Variants in SAP25 observed in about 807,000 individuals in gnomAD.
SAP25 encodes the protein histone deacetylase complex subunit SAP25.
Under a neutral mutation model 31.5 loss-of-function variants are expected in SAP25, and 24 were observed. The observed-to-expected ratio is 0.76, with a 90% CI of 0.55 to 1.07. SAP25 has a LOEUF of 1.07. Ranked by LOEUF, SAP25 falls within the 50% of genes least tolerant of loss-of-function variation. The probability of loss-of-function intolerance (pLI) is 0.00; values close to 1 mark genes in which losing one functional copy is unlikely to be tolerated. For missense variants in SAP25, 377 were observed against 418.8 expected (o/e 0.90, Z 0.87); for synonymous variants, 180 against 186.0 (o/e 0.97, Z 0.26).
At position 100,572,821 on chromosome 7, in the gene SAP25, T is replaced by TG. The variant is rs1360155106; in HGVS notation, c.511+38dup. The TG allele has an allele frequency of 1.3e-6, 2 of 1,492,968 alleles. No homozygotes were observed. The highest frequency in any genetic ancestry group is 4.8e-5 in the Admixed American group (2 of 41,442). 92.5% of individuals were successfully genotyped at this position (1,492,968 alleles called of 1,614,324 possible). On this transcript the variant is annotated intron_variant, in intron 4 of 5. Transcript: ENST00000622764. This position sits in a 1 kb window ranked among gnomAD's most constrained non-coding sequence, Gnocchi z 4.1. ...CCTGGGCACTGGTTCCCAGAGGAGT[T>TG]GGGGCAGCCTTGCGCCCCCGGGGGA...
chr7:100,573,811 T>G lies in SAP25; in HGVS notation c.-69A>C, dbSNP rs1343811134. The G allele has an allele frequency of 2.6e-6, 3 of 1,146,790 alleles. No individual in the cohort carries two copies. The African/African-American group carries it at 4.9e-5, about 19-fold the overall frequency. The allele number at this position is 1,146,790 out of a possible 1,614,324, so 71.0% of individuals were successfully genotyped here. Reference sequence around the variant, plus strand: ...CCCGGCCCGGCCCTCTCAGCCTCCCTCCGCGGCGCGGCGCGAACGTGCCCT... The same window carrying G: ...CCCGGCCCGGCCCTCTCAGCCTCCCGCCGCGGCGCGGCGCGAACGTGCCCT... On this transcript the variant is annotated 5_prime_UTR_variant, in exon 1 of 6. Coordinates refer to ENST00000622764, the MANE Select transcript of SAP25 (RefSeq NM_001348680.2).
rs1801154427 is a variant in SAP25, at chr7:100,572,293, A to T, written c.888T>A (p.Cys296Ter). 7.6e-7 allele frequency: 1 copy of T among 1,317,230 alleles called. No individual in the cohort carries two copies. Among genetic ancestry groups the T allele is most frequent in the African/African-American group, 1.5e-5 (1 of 65,894 alleles). The allele number at this position is 1,317,230 out of a possible 1,614,324, so 81.6% of individuals were successfully genotyped here. A position where few individuals can be genotyped will look rare whatever the true frequency, so the allele number is the denominator to read the frequency against. ...CCACTCTGCCCTGAGAAGGCTATGG[A>T]CAATGGGTGTCTGGGGTCTGTGGGA... ...LSLPQTPDTH[C>*]P The change falls in exon 6 of 6, where the codon TGT (cysteine) becomes TGA (stop). Residue 296 changes from cysteine to a stop codon, truncating the protein, a stop_gained. Coordinates refer to ENST00000622764, the MANE Select transcript of SAP25 (RefSeq NM_001348680.2). LOFTEE classifies it high-confidence loss of function. The surrounding 1 kb of genome is among the most constrained non-coding windows in gnomAD (Gnocchi z 4.1).
rs1408241024 is a variant in SAP25, at chr7:100,572,712, T to A, written c.551A>T (p.Asp184Val). 12 of 1,533,842 alleles carry A rather than the reference T, an allele frequency of 7.8e-6. No homozygotes were observed. The highest frequency in any genetic ancestry group is 1.7e-4 in the Middle Eastern group (1 of 5,980). ...VVCCEDVFLS[D>V]PLLPRGQRVP... is the part of the protein sequence containing the mutation. ...ACGCTGCCCCCGGGGCAGCAGAGGGTCCGAGAGGAAGACATCTTCACAGCA... is the reference window on the plus strand; with the variant it reads ...ACGCTGCCCCCGGGGCAGCAGAGGGACCGAGAGGAAGACATCTTCACAGCA... Residue 184 changes from aspartate (D) to valine (V), a missense_variant, in exon 5 of 6, where the codon GAC becomes GTC. Physicochemically the swap from Asp to Val is radical, Grantham distance 152. Coordinates refer to ENST00000622764, the MANE Select transcript of SAP25 (RefSeq NM_001348680.2). This position sits in a 1 kb window ranked among gnomAD's most constrained non-coding sequence, Gnocchi z 4.1.
intron 2 of SAP25, 29 bp from the exon 3 acceptor site, chr7:100,573,241 G>A: frequency 6.9e-7 from 1 of 1,441,786 alleles, no homozygotes; most frequent in Non-Finnish European, 9.3e-7. Flanking sequence ...ATTATAACAG[G>A]CTCACAGTCA....
At position 100,572,251 on chromosome 7, in the gene SAP25, T is replaced by C. The variant is rs760777985; in HGVS notation, c.*36A>G. 1.3e-5 allele frequency: 16 copies of C among 1,262,232 alleles called. No individual in the cohort carries two copies. Among genetic ancestry groups the C allele is most frequent in the African/African-American group, 1.1e-4 (7 of 64,852 alleles). The allele number at this position is 1,262,232 out of a possible 1,614,324, so 78.2% of individuals were successfully genotyped here. On this transcript the variant is annotated 3_prime_UTR_variant, in exon 6 of 6. Coordinates refer to ENST00000622764, the MANE Select transcript of SAP25 (RefSeq NM_001348680.2). This position sits in a 1 kb window ranked among gnomAD's most constrained non-coding sequence, Gnocchi z 4.1. ...TGTTTTGCAAACCAACACTGTTTTA[T>C]TGTCAACACAACCAGCCCACTCTGC...
chr7:100,572,323 G>C lies in SAP25; in HGVS notation c.858C>G (p.Leu286=), dbSNP rs1265219968. ...GSPSSSQGAD[L]SLPQTPDTHC... is the part of the protein sequence containing the mutation. Reference sequence around the variant, plus strand: ...GGGTGTCTGGGGTCTGTGGGAGAGAGAGGTCAGCACCCTGAGAACTGCTGG... The same window carrying C: ...GGGTGTCTGGGGTCTGTGGGAGAGACAGGTCAGCACCCTGAGAACTGCTGG... The change falls in exon 6 of 6, where the codon CTC becomes CTG. Residue 286 remains leucine, a synonymous_variant. Coordinates refer to ENST00000622764, the MANE Select transcript of SAP25 (RefSeq NM_001348680.2). The surrounding 1 kb of genome is among the most constrained non-coding windows in gnomAD (Gnocchi z 4.1). 3.7e-6 allele frequency: 5 copies of C among 1,339,736 alleles called. No individual in the cohort carries two copies. In the African/African-American group the frequency reaches 7.5e-5, roughly 20 times the overall value. 83.0% of individuals were successfully genotyped at this position (1,339,736 alleles called of 1,614,324 possible).
intron 1 of SAP25, 43 bp from the exon 2 acceptor site, chr7:100,573,443 G>T: frequency 8.0e-7 from 1 of 1,246,468 alleles, no homozygotes; most frequent in Non-Finnish European, 1.0e-6. Flanking sequence ...CCGCCCCCAC[G>T]CACCCTCCCC....
Position 100,572,279 on chromosome 7 carries a change from T to C in SAP25, c.*8A>G. 1 of 1,283,946 alleles carries C rather than the reference T, an allele frequency of 7.8e-7. No individual in the cohort carries two copies. The highest frequency in any genetic ancestry group is 9.8e-7 in the Non-Finnish European group (1 of 1,016,260). The allele number at this position is 1,283,946 out of a possible 1,614,324, so 79.5% of individuals were successfully genotyped here. A position where few individuals can be genotyped will look rare whatever the true frequency, so the allele number is the denominator to read the frequency against. On this transcript the variant is annotated 3_prime_UTR_variant, in exon 6 of 6. Coordinates refer to ENST00000622764, the MANE Select transcript of SAP25 (RefSeq NM_001348680.2). The surrounding 1 kb of genome is among the most constrained non-coding windows in gnomAD (Gnocchi z 4.1). ...TCAACACAACCAGCCCACTCTGCCC[T>C]GAGAAGGCTATGGACAATGGGTGTC...
Position 100,572,697 on chromosome 7 carries a change from C to A in SAP25, c.566G>T (p.Arg189Leu). ...CAGGTACAGGGGAACACGCTGCCCCCGGGGCAGCAGAGGGTCCGAGAGGAA... is the reference window on the plus strand; with the variant it reads ...CAGGTACAGGGGAACACGCTGCCCCAGGGGCAGCAGAGGGTCCGAGAGGAA... The part of the protein sequence containing the change: ...DVFLSDPLLP[R>L]GQRVPLYLSK... Residue 189 changes from arginine to leucine, a missense_variant, in exon 5 of 6, where the codon CGG (arginine) becomes CTG (leucine). Physicochemically the swap from Arg to Leu is moderately radical, Grantham distance 102. Coordinates refer to ENST00000622764, the MANE Select transcript of SAP25 (RefSeq NM_001348680.2). The surrounding 1 kb of genome is among the most constrained non-coding windows in gnomAD (Gnocchi z 4.1). 6.5e-7 allele frequency: 1 copy of A among 1,535,598 alleles called. No individual in the cohort carries two copies. Among genetic ancestry groups the A allele is most frequent in the Non-Finnish European group, 8.7e-7 (1 of 1,146,218 alleles).
In SAP25 at chr7:100,572,702, C is replaced by G; in HGVS notation, c.561G>C (p.Leu187=). ...ACAGGGGAACACGCTGCCCCCGGGG[C>G]AGCAGAGGGTCCGAGAGGAAGACAT... ...CEDVFLSDPL[L]PRGQRVPLYL... The change falls in exon 5 of 6, where the codon CTG becomes CTC. Residue 187 remains leucine, a synonymous_variant. Coordinates refer to ENST00000622764, the MANE Select transcript of SAP25 (RefSeq NM_001348680.2). The surrounding 1 kb of genome is among the most constrained non-coding windows in gnomAD (Gnocchi z 4.1). 1 of 1,535,738 alleles carries G rather than the reference C, an allele frequency of 6.5e-7. No homozygotes were observed. Among genetic ancestry groups the G allele is most frequent in the South Asian group, 1.2e-5 (1 of 84,022 alleles).
chr7:100,572,951 C>T lies in SAP25; in HGVS notation c.420G>A (p.Trp140Ter). Reference sequence around the variant, plus strand: ...TGCCCGAGGCTGCTTCATACAGCGGCCAGAATGAGGGGTGACACAGCGTCC... The same window carrying T: ...TGCCCGAGGCTGCTTCATACAGCGGTCAGAATGAGGGGTGACACAGCGTCC... ...SGRTLCHPSFWPLYEAASGRG... is the reference protein window; with the variant it reads ...SGRTLCHPSF Residue 140 changes from tryptophan to a stop codon, truncating the protein, a stop_gained, in exon 4 of 6, where the codon TGG (tryptophan) becomes TGA (stop). Transcript: ENST00000622764. LOFTEE classifies it high-confidence loss of function. The surrounding 1 kb of genome is among the most constrained non-coding windows in gnomAD (Gnocchi z 4.1). 1 of 1,509,208 alleles carries T rather than the reference C, an allele frequency of 6.6e-7. No homozygotes were observed. The allele number at this position is 1,509,208 out of a possible 1,614,324, so 93.5% of individuals were successfully genotyped here. A position where few individuals can be genotyped will look rare whatever the true frequency, so the allele number is the denominator to read the frequency against.
rs1354641403 is a variant in SAP25 at position 100,573,155 on chromosome 7, G to A, written c.308C>T (p.Ala103Val). ...EVAPSRMTPL[A>V]PWDPKYEAKA... ...GGCTTCATACTTGGGGTCCCAGGGCGCTAGTGGAGTCATCCTCGAGGGGGC... is the reference window on the plus strand; with the variant it reads ...GGCTTCATACTTGGGGTCCCAGGGCACTAGTGGAGTCATCCTCGAGGGGGC... The change falls in exon 3 of 6, where the codon GCG becomes GTG. Residue 103 changes from alanine to valine, a missense_variant. Physicochemically the swap from Ala to Val is moderately conservative, Grantham distance 64. Coordinates refer to ENST00000622764, the MANE Select transcript of SAP25 (RefSeq NM_001348680.2). 12 of 1,535,622 alleles carry A rather than the reference G, an allele frequency of 7.8e-6. No individual in the cohort carries two copies. Among genetic ancestry groups the A allele is most frequent in the Admixed American group, 5.9e-5 (3 of 50,868 alleles).
At position 100,573,804 on chromosome 7, in the gene SAP25, G is replaced by A; in HGVS notation, c.-62C>T. The A allele has an allele frequency of 8.6e-7, 1 of 1,157,690 alleles. No individual in the cohort carries two copies. The highest frequency in any genetic ancestry group is 1.1e-6 in the Non-Finnish European group (1 of 939,516). The allele number at this position is 1,157,690 out of a possible 1,614,324, so 71.7% of individuals were successfully genotyped here. A position where few individuals can be genotyped will look rare whatever the true frequency, so the allele number is the denominator to read the frequency against. On this transcript the variant is annotated 5_prime_UTR_variant, in exon 1 of 6. Transcript: ENST00000622764. ...CCCGCCGCCCGGCCCGGCCCTCTCAGCCTCCCTCCGCGGCGCGGCGCGAAC... is the reference window on the plus strand; with the variant it reads ...CCCGCCGCCCGGCCCGGCCCTCTCAACCTCCCTCCGCGGCGCGGCGCGAAC...
Position 100,573,090 on chromosome 7 carries a change from T to G in SAP25, c.357+16A>C, listed in dbSNP as rs1421977607. 6.5e-7 allele frequency: 1 copy of G among 1,532,536 alleles called. No homozygotes were observed. The highest frequency in any genetic ancestry group is 8.7e-7 in the Non-Finnish European group (1 of 1,144,176). The allele number at this position is 1,532,536 out of a possible 1,614,324, so 94.9% of individuals were successfully genotyped here. A position where few individuals can be genotyped will look rare whatever the true frequency, so the allele number is the denominator to read the frequency against. On this transcript the variant is annotated intron_variant, in intron 3 of 5. Transcript: ENST00000622764. ...TGAGCACCCCAGCCAGTCCCACAGG[T>G]TTGCCCCCAACTCACCCACACCGGC...
At position 100,573,698 on chromosome 7, in the gene SAP25, C is replaced by G. The variant is rs1401896156; in HGVS notation, c.45G>C (p.Glu15Asp). Residue 15 changes from glutamate (E) to aspartate (D), a missense_variant, in exon 1 of 6, where the codon GAG (glutamate) becomes GAC (aspartate). Glu to Asp is a conservative substitution (Grantham distance 45, BLOSUM62 2). Transcript: ENST00000622764. The stretch of plus-strand genomic sequence containing the variant: ...CCGGAAGGCCTGGTCCCTCGGGCGC[C>G]TCCTCCGGGCCCGCGCCCCACCGCG... The part of the protein sequence containing the change: ...SPPRWGAGPE[E>D]APEGPGLPAG... 3.3e-6 allele frequency: 4 copies of G among 1,229,136 alleles called. No individual in the cohort carries two copies. The highest frequency in any genetic ancestry group is 4.1e-6 in the Non-Finnish European group (4 of 986,356). The allele number at this position is 1,229,136 out of a possible 1,614,324, so 76.1% of individuals were successfully genotyped here. A position where few individuals can be genotyped will look rare whatever the true frequency, so the allele number is the denominator to read the frequency against.
rs1434237612 is a variant in SAP25, at chr7:100,573,400, G to C, written c.147C>G (p.Ser49Arg). The C allele has an allele frequency of 6.7e-6, 9 of 1,338,048 alleles. No homozygotes were observed. Among genetic ancestry groups the C allele is most frequent in the South Asian group, 6.1e-5 (3 of 49,238 alleles). 82.9% of individuals were successfully genotyped at this position (1,338,048 alleles called of 1,614,324 possible). ...PRELGTPPWD[S>R]PQPPSRSPSW... ...AAGGGCTACGGGATGGGGGCTGTGG[G>C]CTGGAGGGGCAGGGACTGAGGCTGC... Residue 49 changes from serine to arginine, a missense_variant and splice_region_variant, in exon 2 of 6, where the codon AGC (serine) becomes AGG (arginine). Transcript: ENST00000622764.
chr7:100,573,184 C>A lies in SAP25; in HGVS notation c.279G>T (p.Glu93Asp). 1 of 1,530,366 alleles carries A rather than the reference C, an allele frequency of 6.5e-7. No individual in the cohort carries two copies. Among genetic ancestry groups the A allele is most frequent in the Non-Finnish European group, 8.7e-7 (1 of 1,143,254 alleles). The allele number at this position is 1,530,366 out of a possible 1,614,324, so 94.8% of individuals were successfully genotyped here. A position where few individuals can be genotyped will look rare whatever the true frequency, so the allele number is the denominator to read the frequency against. ...GTGGAGTCATCCTCGAGGGGGCCACCTCCCAGGCCACCTGGGGGGAACGGG... is the reference window on the plus strand; with the variant it reads ...GTGGAGTCATCCTCGAGGGGGCCACATCCCAGGCCACCTGGGGGGAACGGG... ...PDPRSPQVAW[E>D]VAPSRMTPLA... Residue 93 changes from glutamate (E) to aspartate (D), a missense_variant, in exon 3 of 6, where the codon GAG becomes GAT. By Grantham distance (45) the Glu-to-Asp change is conservative (BLOSUM62 2). Transcript: ENST00000622764.
In SAP25 at chr7:100,572,698, G is replaced by A. The variant is rs777079891; in HGVS notation, c.565C>T (p.Arg189Trp). Reference protein sequence around the residue: ...DVFLSDPLLPRGQRVPLYLSK... With the variant: ...DVFLSDPLLPWGQRVPLYLSK... ...AGGTACAGGGGAACACGCTGCCCCC[G>A]GGGCAGCAGAGGGTCCGAGAGGAAG... Residue 189 changes from arginine to tryptophan, a missense_variant, in exon 5 of 6, where the codon CGG (arginine) becomes TGG (tryptophan). By Grantham distance (101) the Arg-to-Trp change is moderately radical (BLOSUM62 -3). Transcript: ENST00000622764. This position sits in a 1 kb window ranked among gnomAD's most constrained non-coding sequence, Gnocchi z 4.1. 53 of 1,535,964 alleles carry A rather than the reference G, an allele frequency of 3.5e-5. No individual in the cohort carries two copies. Among genetic ancestry groups the A allele is most frequent in the African/African-American group, 8.2e-5 (6 of 72,950 alleles).
chr7:100,573,333 G>A lies in SAP25; in HGVS notation c.214C>T (p.Pro72Ser). The A allele has an allele frequency of 7.2e-7, 1 of 1,395,714 alleles. No homozygotes were observed. The highest frequency in any genetic ancestry group is 2.9e-5 in the Admixed American group (1 of 34,150). The allele number at this position is 1,395,714 out of a possible 1,614,324, so 86.5% of individuals were successfully genotyped here. A position where few individuals can be genotyped will look rare whatever the true frequency, so the allele number is the denominator to read the frequency against. ...GGGGGCTGCTCAGTGGCCGGGCCTG[G>A]CAGGTGGTGGGGCAGCAGCAGCTGC... ...REQLLLPHHL[P>S]GPATEQPPGA... Residue 72 changes from proline (P) to serine (S), a missense_variant, in exon 2 of 6, where the codon CCA becomes TCA. Physicochemically the swap from Pro to Ser is moderately conservative, Grantham distance 74. Coordinates refer to ENST00000622764, the MANE Select transcript of SAP25 (RefSeq NM_001348680.2).
Sources: allele counts gnomAD v4.1 joint callset, GRCh38; gene constraint gnomAD v4.1.1; non-coding constraint Gnocchi (gnomAD v3.1); transcripts MANE v1.5; gene names NCBI Gene and HGNC (gene_info 2026-07-23, HGNC 2026-07-21).